RADX: variants seen among roughly 807,000 people sequenced by gnomAD.
The protein encoded by RADX is RPA1 related single stranded DNA binding protein, X-linked.
Under a neutral mutation model 61.6 loss-of-function variants are expected in RADX, and 36 were observed. That is an observed-to-expected ratio of 0.58 (90% CI 0.45 to 0.77). The LOEUF is 0.77. Among genes scored for constraint, RADX ranks in the 30% least tolerant of loss-of-function variants. RADX has a pLI of 0.00. For missense variants in RADX, 497 were observed against 651.1 expected, an observed-to-expected ratio of 0.76 and a Z score of 2.58; for synonymous variants, 272 against 237.9, an observed-to-expected ratio of 1.14 and a Z score of -1.32.
chrX:106,661,964 A>G (rs1213912024), intron 11 of RADX, 51 bp from the exon 12 acceptor site: 1 of 1,082,960 alleles, frequency 9.2e-7, no homozygotes. Flanking sequence ...GAATGACTTG[A>G]TTTGATTAGT....
At chrX:106,640,480 A>G in intron 9 of RADX, 72 bp from the exon 10 acceptor site, 1 of 745,757 alleles carries the variant, frequency 1.3e-6, no homozygotes, top group Non-Finnish European at 1.9e-6. Flanking sequence ...GAATACACTA[A>G]AATTGTAGTC....
intron 11 of RADX, among the ~76,000 whole-genome samples, chrX:106,654,696 A>G (rs1028824185): frequency 8.0e-5 from 9 of 112,017 alleles, no homozygotes; most frequent in Non-Finnish European, 9.4e-5. Context: ...AGGCATGGGC[A>G]AAGACTTAGG....
chrX:106,612,782 G>T, intron 1 of RADX, 59 bp downstream of exon 1: 11 of 1,067,152 alleles, frequency 1.0e-5, no homozygotes, highest in Non-Finnish European at 1.4e-5. Flanking sequence ...AGGAGCTTGC[G>T]TGAACGGGAA....
chrX:106,655,571 T>C (rs1927920457), intron 11 of RADX, among the ~76,000 whole-genome samples: 1 of 108,153 alleles, frequency 9.2e-6, no homozygotes, highest in African/African-American at 3.4e-5. Flanking sequence ...AATTCCCACC[T>C]ATGAGTGAGA....
At chrX:106,634,383 C>T (rs1333188432) in intron 6 of RADX, among the ~76,000 whole-genome samples, 1 of 111,328 alleles carries the variant, frequency 9.0e-6, no homozygotes, top group Non-Finnish European at 1.9e-5. Flanking sequence ...ATCTGCCCAC[C>T]TCAGCCTCCC....
chrX:106,642,740 T>A (rs754784010), intron 10 of RADX, among the ~76,000 whole-genome samples: 1 of 112,031 alleles, frequency 8.9e-6, no homozygotes, highest in African/African-American at 3.2e-5. Flanking sequence ...TTTGGTATAC[T>A]GATTTCCTTT....
chrX:106,620,100 A>G (rs1304911775), intron 1 of RADX, among the ~76,000 whole-genome samples: 1 of 111,520 alleles, frequency 9.0e-6, no homozygotes, highest in Non-Finnish European at 1.9e-5. Context: ...GCAAGTGTAC[A>G]GTGTAGTTTT....
chrX:106,648,446 A>G, intron 11 of RADX, 60 bp downstream of exon 11: 1 of 785,690 alleles, frequency 1.3e-6, no homozygotes, highest in East Asian at 3.4e-5. Flanking sequence ...TTCTATGAAG[A>G]TTACTATTTA....
chrX:106,652,695 G>GCACACACACA (rs112557092), intron 11 of RADX, among the ~76,000 whole-genome samples: 3 of 97,005 alleles, frequency 3.1e-5, no homozygotes, highest in African/African-American at 7.5e-5. Flanking sequence ...ATCATTAAAT[G>GCACACACACA]CACACACACA....
intron 13 of RADX, among the ~76,000 whole-genome samples, chrX:106,674,642 T>C (rs1331471535): frequency 8.9e-6 from 1 of 112,223 alleles, no homozygotes; most frequent in African/African-American, 3.2e-5. Flanking sequence ...TGCCCATTTC[T>C]GAATTTGATT....
In RADX at chrX:106,659,671, T is replaced by C. The variant is rs757044240; in HGVS notation, c.1979-2344T>C. On this transcript the variant is annotated intron_variant, in intron 11 of 13. Transcript: ENST00000372548. ...TTTTGTCTCTTTCCTATTTATTGTC[T>C]TTGATTTGTTACTATTCACAACCAA... Among the ~76,000 whole-genome samples the C allele has an allele frequency of 1.4e-4, 16 of 111,748 alleles. No individual in the cohort carries two copies. In the South Asian group the frequency reaches 6.0e-3, roughly 42 times the overall value.
intron 13 of RADX, among the ~76,000 whole-genome samples, chrX:106,670,180 T>C (rs1928330466): frequency 9.7e-6 from 1 of 103,199 alleles, no homozygotes; most frequent in Admixed American, 9.9e-5. Context: ...TTATAAGAGA[T>C]GATTTTTTTT....
chrX:106,662,454 A>G, intron 12 of RADX, 149 bp downstream of exon 12: 1 of 468,119 alleles, frequency 2.1e-6, no homozygotes, highest in East Asian at 3.7e-5. Context: ...TGGAGCACCA[A>G]TTATGGAATA....
chrX:106,648,574 T>C, intron 11 of RADX, among the ~76,000 whole-genome samples, 188 bp downstream of exon 11: 1 of 111,641 alleles, frequency 9.0e-6, no homozygotes, highest in Non-Finnish European at 1.9e-5. Flanking sequence ...GTGAAAGTAA[T>C]TTTAAACAAA....
Position 106,662,059 on chromosome X carries a change from A to G in RADX, c.2023A>G (p.Thr675Ala), listed in dbSNP as rs761443853. The change falls in exon 12 of 14, where the codon ACT becomes GCT. Residue 675 changes from threonine (T) to alanine (A), a missense_variant. This residue lies in a region of RADX where 267 missense variants were observed against 306.9 expected (regional missense o/e 0.87). Transcript: ENST00000372548. The stretch of plus-strand genomic sequence containing the variant: ...TAATCTGCAAGGGAAAGCCAGAAAA[A>G]CTATAAGTGATAGGTGGGAGAGTCA... ...NANLQGKARK[T>A]ISDRWESQLW... The G allele has an allele frequency of 2.5e-6, 3 of 1,210,666 alleles. No individual in the cohort carries two copies. The highest frequency in any genetic ancestry group is 3.4e-6 in the Non-Finnish European group (3 of 894,888).
At position 106,612,577 on chromosome X, in the gene RADX, C is replaced by G. The variant is rs770370082; in HGVS notation, c.497C>G (p.Thr166Ser). 25 of 1,209,429 alleles carry G rather than the reference C, an allele frequency of 2.1e-5. No individual in the cohort carries two copies. The South Asian group carries it at 4.4e-4, about 21-fold the overall frequency. Residue 166 changes from threonine (T) to serine (S), a missense_variant, in exon 1 of 14, where the codon ACT (threonine) becomes AGT (serine). Physicochemically the swap from Thr to Ser is moderately conservative, Grantham distance 58 (BLOSUM62 1). Transcript: ENST00000372548. ...ACTTCAGACAGTATTTCTTTAGAAA[C>G]TCCCTTCAGAAATAGAGCGCACCAG... ...GETSDSISLETPFRNRAHQEK... is the reference protein window; with the variant it reads ...GETSDSISLESPFRNRAHQEK...
chrX:106,679,044 C>T lies in RADX; in HGVS notation c.*786C>T, dbSNP rs1194023268. 3 of 111,963 alleles carry T rather than the reference C, an allele frequency of 2.7e-5. No individual in the cohort carries two copies. Among genetic ancestry groups the T allele is most frequent in the South Asian group, 7.4e-4 (2 of 2,702 alleles). 9.2% of individuals were successfully genotyped at this position (111,963 alleles called of 1,213,427 possible). ...TATTGAAAATGGAAAATAGTAAACA[C>T]GGGAATTGATTTTATTCTGGTTGTC... On this transcript the variant is annotated 3_prime_UTR_variant, in exon 14 of 14. Coordinates refer to ENST00000372548, the MANE Select transcript of RADX (RefSeq NM_018015.6).
At chrX:106,661,934 G>A in intron 11 of RADX, 81 bp from the exon 12 acceptor site, 2 of 847,446 alleles carry the variant, frequency 2.4e-6, no homozygotes, top group Non-Finnish European at 3.3e-6. Context: ...CCTCATTAAT[G>A]TGTGGTTTTT....
chrX:106,678,199 G>A lies in RADX; in HGVS notation c.2509G>A (p.Gly837Ser), dbSNP rs1233150837. ...CGGTATCTTGGATATCTGTAATTTG[G>A]GTAATAATAAAGTGGAAGTCTATTT... ...IVGILDICNL[G>S]NNKVEVYLHK... Residue 837 changes from glycine (G) to serine (S), a missense_variant, in exon 14 of 14, where the codon GGT becomes AGT. By Grantham distance (56) the Gly-to-Ser change is moderately conservative. This residue lies in a region of RADX where 267 missense variants were observed against 306.9 expected (regional missense o/e 0.87). Coordinates refer to ENST00000372548, the MANE Select transcript of RADX (RefSeq NM_018015.6). 3 of 1,163,492 alleles carry A rather than the reference G, an allele frequency of 2.6e-6. No homozygotes were observed. The highest frequency in any genetic ancestry group is 3.6e-5 in the African/African-American group (2 of 56,325).
Sources: allele counts gnomAD v4.1 joint callset (sites outside exome capture counted in the v4.1 genomes callset), GRCh38; gene constraint gnomAD v4.1.1; regional missense constraint gnomAD v4.1.1; transcripts MANE v1.5; gene names NCBI Gene and HGNC (gene_info 2026-07-23, HGNC 2026-07-21).